Variants in NRG1 observed in about 807,000 individuals in gnomAD.
NRG1 encodes the protein pro-neuregulin-1, membrane-bound isoform.
A neutral mutation model predicts 63.8 loss-of-function variants in NRG1; 18 were observed. That is an observed-to-expected ratio of 0.28 (90% CI 0.19 to 0.42). The LOEUF (loss-of-function observed/expected upper bound fraction) is 0.42, where lower values mean the gene tolerates loss of function less well. Ranked by LOEUF, NRG1 falls within the 10% of genes least tolerant of loss-of-function variation. NRG1 has a pLI of 1.00. For missense variants in NRG1, 762 were observed against 814.7 expected, an observed-to-expected ratio of 0.94 and a Z score of 0.79; for synonymous variants, 302 against 301.3, an observed-to-expected ratio of 1.00 and a Z score of -0.02.
At chr8:31,936,339 A>G (rs1050644090) in intron 1 of NRG1, among the ~76,000 whole-genome samples, 3 of 152,210 alleles carry the variant, frequency 2.0e-5, no homozygotes, top group Non-Finnish European at 4.4e-5. Context: ...AAAATATTTG[A>G]TGATTTCGCA....
intron 1 of NRG1, chr8:32,287,628 C>T (rs928088770): frequency 2.0e-5 from 3 of 152,198 alleles, no homozygotes; most frequent in Admixed American, 2.0e-4. Context: ...ATTCATCAAG[C>T]ATTCGCCAGT....
At chr8:31,689,162 A>G (rs1809224328) in intron 1 of NRG1, among the ~76,000 whole-genome samples, 1 of 152,232 alleles carries the variant, frequency 6.6e-6, no homozygotes, top group South Asian at 2.1e-4. Flanking sequence ...TTTTAAGGTC[A>G]CATGATTAAC....
At chr8:32,198,576 T>C (rs1325621580) in intron 1 of NRG1, among the ~76,000 whole-genome samples, 1 of 152,188 alleles carries the variant, frequency 6.6e-6, no homozygotes, top group Non-Finnish European at 1.5e-5. Flanking sequence ...AATGGATCTT[T>C]CTCCACCATC....
intron 1 of NRG1, among the ~76,000 whole-genome samples, chr8:31,955,030 GAA>G (rs770681877): frequency 2.0e-4 from 31 of 152,208 alleles, no homozygotes; most frequent in Non-Finnish European, 3.1e-4. Context: ...AAGGGAAAGA[GAA>G]AGAGAGTAAG....
intron 1 of NRG1, among the ~76,000 whole-genome samples, chr8:32,035,464 T>C (rs1818886366): frequency 6.6e-6 from 1 of 152,172 alleles, no homozygotes; most frequent in African/African-American, 2.4e-5. Context: ...GTCCACTTGA[T>C]CCAGAGCTGA....
intron 5 of NRG1, among the ~76,000 whole-genome samples, chr8:32,675,932 C>A (rs1011783861): frequency 3.9e-5 from 6 of 152,122 alleles, no homozygotes. Flanking sequence ...AAATTTCTAG[C>A]CATTCTCAAT....
At chr8:32,266,561 G>A (rs188499340) in intron 1 of NRG1, among the ~76,000 whole-genome samples, 3 of 152,020 alleles carry the variant, frequency 2.0e-5, no homozygotes, top group African/African-American at 7.2e-5. Flanking sequence ...ATGTCAGCCA[G>A]GGCAGATAAA....
chr8:32,566,037 C>A (rs1837373661), intron 1 of NRG1, among the ~76,000 whole-genome samples: 1 of 152,042 alleles, frequency 6.6e-6, no homozygotes, highest in African/African-American at 2.4e-5. Context: ...TCAGCTTTTC[C>A]CTCTGGCTGA....
intron 1 of NRG1, among the ~76,000 whole-genome samples, chr8:32,450,455 C>T (rs1459786113): frequency 6.6e-6 from 1 of 152,092 alleles, no homozygotes; most frequent in Non-Finnish European, 1.5e-5. Context: ...CTCGCTCTGC[C>T]ACCCAGGCTG....
intron 1 of NRG1, chr8:32,171,253 T>A (rs189416995): frequency 1.3e-5 from 2 of 152,334 alleles, no homozygotes; most frequent in Admixed American, 6.5e-5. Context: ...TAATTTTAAG[T>A]TCTGGGATAC....
At chr8:32,469,120 A>C (rs567715588) in intron 1 of NRG1, among the ~76,000 whole-genome samples, 1 of 152,216 alleles carries the variant, frequency 6.6e-6, no homozygotes, top group African/African-American at 2.4e-5. Context: ...TGGTGCAGGA[A>C]TAACTCAGCC....
chr8:32,693,377 C>T (rs1435001528), intron 5 of NRG1, among the ~76,000 whole-genome samples: 1 of 152,008 alleles, frequency 6.6e-6, no homozygotes, highest in Non-Finnish European at 1.5e-5. Context: ...TGCCACCACA[C>T]TGGCTAATTT....
chr8:31,766,866 G>A (rs1818119404), intron 1 of NRG1, among the ~76,000 whole-genome samples: 1 of 152,148 alleles, frequency 6.6e-6, no homozygotes, highest in Non-Finnish European at 1.5e-5. Context: ...GGAGCAGAAC[G>A]TGACATCTCA....
chr8:32,074,816 A>T (rs1307628264), intron 1 of NRG1, among the ~76,000 whole-genome samples: 1 of 152,228 alleles, frequency 6.6e-6, no homozygotes, highest in Non-Finnish European at 1.5e-5. Flanking sequence ...TAAACAAATT[A>T]TTGACTAATT....
In NRG1 at chr8:32,127,569, A is replaced by C. The variant is rs565166288; in HGVS notation, c.38-468259A>C. Among the ~76,000 whole-genome samples, 3 of 146,800 alleles carry C rather than the reference A, an allele frequency of 2.0e-5. No individual in the cohort carries two copies. The South Asian group carries it at 6.5e-4, about 32-fold the overall frequency. On this transcript the variant is annotated intron_variant, in intron 1 of 10. Transcript: ENST00000519301. ...TGTGTGTGTGTGTGTTTAGAAATTC[A>C]AAAAAAATGAGGAGATCTTGGTCTT... is the stretch of plus-strand genomic sequence containing the variant.
At chr8:31,666,076 A>G (rs901709154) in intron 1 of NRG1, among the ~76,000 whole-genome samples, 3 of 152,162 alleles carry the variant, frequency 2.0e-5, no homozygotes, top group African/African-American at 7.2e-5. Flanking sequence ...CCATTGATTG[A>G]ACCAACAGCC....
intron 1 of NRG1, among the ~76,000 whole-genome samples, chr8:32,365,245 T>A (rs1807805763): frequency 6.6e-6 from 1 of 152,220 alleles, no homozygotes; most frequent in African/African-American, 2.4e-5. Context: ...TTCTATTTGA[T>A]AGCCATTTCT....
chr8:31,993,222 A>G (rs1453433413), intron 1 of NRG1, among the ~76,000 whole-genome samples: 1 of 152,050 alleles, frequency 6.6e-6, no homozygotes, highest in Non-Finnish European at 1.5e-5. Flanking sequence ...AAGACTGGCC[A>G]GAGAAAGTGG....
chr8:32,763,460 C>T, intron 11 of NRG1: 3 of 1,286,506 alleles, frequency 2.3e-6, no homozygotes, highest in Non-Finnish European at 2.1e-6. Context: ...CTTGTCTTGG[C>T]TCATATGCCA....
Sources: gnomAD v4.1 joint callset for allele counts (sites outside exome capture counted in the v4.1 genomes callset) on GRCh38, gnomAD v4.1.1 for gene constraint, MANE v1.5 for transcripts, NCBI Gene and HGNC (gene_info 2026-07-23, HGNC 2026-07-21) for gene names.